Variants in CERS4 observed in about 807,000 individuals in gnomAD.
CERS4 encodes the protein ceramide synthase 4.
In CERS4, 65 loss-of-function variants were observed where a neutral mutation model predicts 51.8. The ratio of observed to expected loss-of-function variants is 1.26; its 90% CI spans 1.03 to 1.54. CERS4 has a LOEUF of 1.54. Among genes scored for constraint, CERS4 ranks in the 40% most tolerant of loss-of-function variants. CERS4 has a pLI of 0.00. For synonymous variants in CERS4, 228 were observed against 208.4 expected (o/e 1.09, Z -0.81); for missense variants, 563 against 500.4 (o/e 1.13, Z -1.19).
At chr19:8,232,109 C>T (rs1056656118) in intron 2 of CERS4, among the ~76,000 whole-genome samples, 12 of 151,676 alleles carry the variant, frequency 7.9e-5, no homozygotes, top group African/African-American at 2.9e-4. Flanking sequence ...GAATTATAGG[C>T]ATGAGTTACG....
intron 6 of CERS4, 113 bp from the exon 7 acceptor site, chr19:8,256,123 C>A: frequency 1.7e-6 from 2 of 1,190,074 alleles, no homozygotes; most frequent in Non-Finnish European, 2.4e-6. Flanking sequence ...AAAAGCAGGG[C>A]TGGGTGAAGG....
chr19:8,257,586 A>C (rs1969462787), intron 9 of CERS4, among the ~76,000 whole-genome samples: 1 of 152,194 alleles, frequency 6.6e-6, no homozygotes, highest in Admixed American at 6.5e-5. Flanking sequence ...ACTTGCCACC[A>C]TGCCAGCTAA....
intron 2 of CERS4, among the ~76,000 whole-genome samples, chr19:8,223,825 G>A (rs1967661095): frequency 6.6e-6 from 1 of 151,974 alleles, no homozygotes; most frequent in African/African-American, 2.4e-5. Flanking sequence ...GTGGCTGGGT[G>A]CAGTGGCTCA....
chr19:8,237,301 C>T (rs1241698150), intron 2 of CERS4, among the ~76,000 whole-genome samples: 1 of 152,060 alleles, frequency 6.6e-6, no homozygotes, highest in African/African-American at 2.4e-5. Flanking sequence ...CCTGTACTCT[C>T]AGCACTTTGG....
rs200817392 is a variant in CERS4 at position 8,218,650 on chromosome 19, CAG to C, written c.-2+7791_-2+7792del. 6.7e-3 allele frequency among the ~76,000 whole-genome samples: 1,019 copies of C among 152,280 alleles called. 16 individuals are homozygous for C. Among genetic ancestry groups the C allele is most frequent in the African/African-American group, 0.023 (968 of 41,558 alleles). On this transcript the variant is annotated intron_variant, in intron 2 of 11. Transcript: ENST00000251363. ...GATGGGGAAGGGACAGGCTGGTACT[CAG>C]AGCCACTGCTGAGAGAGGGATGGAC...
chr19:8,256,145 T>G, intron 6 of CERS4, 91 bp from the exon 7 acceptor site: 1 of 1,347,408 alleles, frequency 7.4e-7, no homozygotes, highest in Non-Finnish European at 1.0e-6. Context: ...AGCATCTATG[T>G]GACTGTGGAA....
intron 4 of CERS4, among the ~76,000 whole-genome samples, chr19:8,254,870 T>C (rs893532508): frequency 7.1e-5 from 10 of 141,444 alleles, no homozygotes; most frequent in African/African-American, 2.0e-4. Context: ...CCCTGGGAGA[T>C]GAGGACCCCC....
chr19:8,248,581 ATGGATGG>A (rs2145279202), intron 2 of CERS4, among the ~76,000 whole-genome samples: 1 of 150,282 alleles, frequency 6.7e-6, no homozygotes, highest in African/African-American at 2.5e-5. Context: ...CAGATGGATG[ATGGATGG>A]ATGGGTGAAT....
At chr19:8,222,710 C>T (rs931835526) in intron 2 of CERS4, among the ~76,000 whole-genome samples, 17 of 151,714 alleles carry the variant, frequency 1.1e-4, no homozygotes, top group Admixed American at 3.3e-4. Context: ...GTTGGTCAGG[C>T]GGATCTTGAA....
intron 9 of CERS4, among the ~76,000 whole-genome samples, chr19:8,257,374 C>T (rs1489224657): frequency 5.9e-5 from 9 of 152,200 alleles, no homozygotes; most frequent in Non-Finnish European, 1.5e-5. Flanking sequence ...AGATAAAGCC[C>T]TGCCCCTCTC....
intron 10 of CERS4, among the ~76,000 whole-genome samples, chr19:8,259,978 G>A (rs923957982): frequency 3.3e-5 from 5 of 152,022 alleles, no homozygotes; most frequent in African/African-American, 1.2e-4. Flanking sequence ...CACCTGTCTT[G>A]GTTTCAAGGC....
In CERS4 at chr19:8,210,786, G is replaced by C. The variant is rs1967053383; in HGVS notation, c.-78G>C. The C allele has an allele frequency of 6.6e-6, 1 of 152,276 alleles. No individual in the cohort carries two copies. The highest frequency in any genetic ancestry group is 1.5e-5 in the Non-Finnish European group (1 of 68,104). The allele number at this position is 152,276 out of a possible 1,614,324, so 9.4% of individuals were successfully genotyped here. Reference sequence around the variant, plus strand: ...CATTCAGTGCACCTGGGCCCCAGCAGGCCCAGCCAGGCGTGGAGGAAGAGG... The same window carrying C: ...CATTCAGTGCACCTGGGCCCCAGCACGCCCAGCCAGGCGTGGAGGAAGAGG... On this transcript the variant is annotated 5_prime_UTR_variant, in exon 2 of 12. Coordinates refer to ENST00000251363, the MANE Select transcript of CERS4 (RefSeq NM_024552.3). This position sits in a 1 kb window ranked among gnomAD's most constrained non-coding sequence, Gnocchi z 4.2.
intron 2 of CERS4, among the ~76,000 whole-genome samples, chr19:8,247,715 T>C (rs1359585849): frequency 6.7e-6 from 1 of 148,734 alleles, no homozygotes; most frequent in Admixed American, 6.8e-5. Context: ...CCACTTTGCC[T>C]GGCCTGACCT....
At chr19:8,229,392 T>G (rs1967916975) in intron 2 of CERS4, among the ~76,000 whole-genome samples, 1 of 111,440 alleles carries the variant, frequency 9.0e-6, no homozygotes, top group African/African-American at 3.6e-5. Context: ...TTCTTTCTTC[T>G]TTTTTCTTCT....
chr19:8,255,335 G>T (rs1305459759), intron 4 of CERS4, among the ~76,000 whole-genome samples: 1 of 152,136 alleles, frequency 6.6e-6, no homozygotes, highest in African/African-American at 2.4e-5. Context: ...CCTATCCGGG[G>T]GTAGGGGATG....
intron 2 of CERS4, among the ~76,000 whole-genome samples, chr19:8,223,861 G>A (rs901311340): frequency 3.3e-5 from 5 of 152,100 alleles, no homozygotes; most frequent in African/African-American, 4.8e-5. Context: ...CACTTTGGGA[G>A]ACCGAGGCGG....
intron 2 of CERS4, among the ~76,000 whole-genome samples, chr19:8,247,967 C>T (rs1225706657): frequency 6.6e-6 from 1 of 152,024 alleles, no homozygotes; most frequent in Non-Finnish European, 1.5e-5. Flanking sequence ...CTCCTGACCT[C>T]AGATGATCCA....
At chr19:8,220,421 C>T (rs930834344) in intron 2 of CERS4, among the ~76,000 whole-genome samples, 1 of 152,160 alleles carries the variant, frequency 6.6e-6, no homozygotes, top group Non-Finnish European at 1.5e-5. Flanking sequence ...TCTCTTGCCT[C>T]AGCCTCCTGA....
Position 8,209,505 on chromosome 19 carries a change from A to AC in CERS4, c.-159+15dup, listed in dbSNP as rs1274493437. 2.0e-5 allele frequency: 3 copies of AC among 149,800 alleles called. No homozygotes were observed. Among genetic ancestry groups the AC allele is most frequent in the Non-Finnish European group, 4.4e-5 (3 of 67,566 alleles). The allele number at this position is 149,800 out of a possible 1,614,324, so 9.3% of individuals were successfully genotyped here. On this transcript the variant is annotated intron_variant, in intron 1 of 11. Transcript: ENST00000251363. The stretch of plus-strand genomic sequence containing the variant: ...CGCCTGCACCCCCAGGTAAGCGAGC[A>AC]CCCCGCGCCGCGAACACCGCCCCGA...
Sources: allele counts gnomAD v4.1 joint callset (sites outside exome capture counted in the v4.1 genomes callset), GRCh38; gene constraint gnomAD v4.1.1; non-coding constraint Gnocchi (gnomAD v3.1); transcripts MANE v1.5; gene names NCBI Gene and HGNC (gene_info 2026-07-23, HGNC 2026-07-21).